The following C7orf78 variants were observed in gnomAD, a reference collection of about 807,000 sequenced individuals.
C7orf78 encodes chromosome 7 open reading frame 78, also known as putative uncharacterized protein C7orf78.
chr7:12,522,310 G>A, the C7orf78 span, among the ~76,000 whole-genome samples: 3 of 152,084 alleles, frequency 2.0e-5, no homozygotes, highest in Admixed American at 2.0e-4. Flanking sequence ...GAATCATCCA[G>A]TAACATATTG....
the C7orf78 span, among the ~76,000 whole-genome samples, chr7:12,497,197 A>G: frequency 6.6e-6 from 1 of 152,206 alleles, no homozygotes. Context: ...AAAAAAATCA[A>G]AATTATTTAT....
the C7orf78 span, among the ~76,000 whole-genome samples, chr7:12,525,511 A>G: frequency 6.6e-6 from 1 of 152,142 alleles, no homozygotes; most frequent in Non-Finnish European, 1.5e-5. Context: ...TAGGTTAACT[A>G]ATCTAAATTT....
At chr7:12,506,500 A>G in the C7orf78 span, among the ~76,000 whole-genome samples, 1 of 152,202 alleles carries the variant, frequency 6.6e-6, no homozygotes, top group African/African-American at 2.4e-5. Context: ...AGGGACATAG[A>G]TGAAGGTGTA....
chr7:12,502,977 G>A, the C7orf78 span, among the ~76,000 whole-genome samples: 245 of 150,192 alleles, frequency 1.6e-3, 1 homozygote, highest in Middle Eastern at 3.4e-3. Flanking sequence ...CTAAACTATC[G>A]CAACAACAAA....
the C7orf78 span, among the ~76,000 whole-genome samples, chr7:12,505,432 A>G: frequency 6.6e-6 from 1 of 152,138 alleles, no homozygotes; most frequent in Non-Finnish European, 1.5e-5. Flanking sequence ...TAAAATGAAG[A>G]TTTGAACTCC....
the C7orf78 span, among the ~76,000 whole-genome samples, chr7:12,505,711 A>T: frequency 6.6e-6 from 1 of 151,508 alleles, no homozygotes. Context: ...TCTCAGTCAT[A>T]TATTTCATAG....
chr7:12,499,200 C>A, the C7orf78 span, among the ~76,000 whole-genome samples: 1 of 152,028 alleles, frequency 6.6e-6, no homozygotes, highest in Non-Finnish European at 1.5e-5. Flanking sequence ...CACCAGCTAA[C>A]ATCATAATGA....
the C7orf78 span, among the ~76,000 whole-genome samples, chr7:12,516,052 A>C: frequency 1.3e-5 from 2 of 152,206 alleles, no homozygotes; most frequent in African/African-American, 4.8e-5. Context: ...GTTAATTCCC[A>C]AGAGAATGGG....
chr7:12,528,641 C>A, the C7orf78 span, among the ~76,000 whole-genome samples: 1 of 152,178 alleles, frequency 6.6e-6, no homozygotes, highest in Admixed American at 6.5e-5. Flanking sequence ...GCAAAATATA[C>A]CATCCCACAG....
chr7:12,493,017 A>T, the C7orf78 span, among the ~76,000 whole-genome samples: 1 of 152,164 alleles, frequency 6.6e-6, no homozygotes, highest in African/African-American at 2.4e-5. Flanking sequence ...AGCCTGGGTC[A>T]CATGGCAAAA....
chr7:12,496,213 CCT>C, the C7orf78 span, among the ~76,000 whole-genome samples: 3 of 152,168 alleles, frequency 2.0e-5, no homozygotes, highest in Admixed American at 2.0e-4. Context: ...GCGTGAGCCA[CCT>C]CGTCTGGCTG....
chr7:12,495,264 AC>A, the C7orf78 span, among the ~76,000 whole-genome samples: 4 of 152,150 alleles, frequency 2.6e-5, no homozygotes, highest in Non-Finnish European at 5.9e-5. Flanking sequence ...ACACTGTGTG[AC>A]ATGTCAGATG....
chr7:12,497,140 G>T, the C7orf78 span, among the ~76,000 whole-genome samples: 1 of 152,176 alleles, frequency 6.6e-6, no homozygotes, highest in South Asian at 2.1e-4. Flanking sequence ...GGAGATTTTG[G>T]ACCAAAGAAG....
At chr7:12,525,021 A>C in the C7orf78 span, among the ~76,000 whole-genome samples, 3 of 152,142 alleles carry the variant, frequency 2.0e-5, no homozygotes, top group Admixed American at 6.6e-5. Context: ...ACCTCAGTGA[A>C]GGCTTTTTGA....
chr7:12,527,028 G>C, the C7orf78 span, among the ~76,000 whole-genome samples: 7 of 125,646 alleles, frequency 5.6e-5, no homozygotes, highest in African/African-American at 2.0e-4. Flanking sequence ...AGCTTTCCTA[G>C]TATATGCTAT....
the C7orf78 span, among the ~76,000 whole-genome samples, chr7:12,524,349 T>G: frequency 6.6e-6 from 1 of 152,278 alleles, no homozygotes; most frequent in East Asian, 1.9e-4. Flanking sequence ...AGGATAAAAT[T>G]TGGAAAATAC....
the C7orf78 span, chr7:12,483,650 A>T: frequency 6.7e-6 from 1 of 150,292 alleles, no homozygotes; most frequent in Non-Finnish European, 1.5e-5. Context: ...CGGGAGGATC[A>T]TGAGGTCAGC....
At chr7:12,521,842 C>T in the C7orf78 span, among the ~76,000 whole-genome samples, 4 of 151,756 alleles carry the variant, frequency 2.6e-5, no homozygotes, top group African/African-American at 9.7e-5. Flanking sequence ...TACTATAACT[C>T]CAATTTTTCT....
the C7orf78 span, chr7:12,496,330 T>G: frequency 3.9e-5 from 6 of 152,224 alleles, no homozygotes; most frequent in Non-Finnish European, 8.8e-5. Context: ...CTACATATAA[T>G]TGAAGTCAGT....
Sources: allele counts gnomAD v4.1 joint callset (sites outside exome capture counted in the v4.1 genomes callset), GRCh38; gene constraint gnomAD v4.1.1; transcripts MANE v1.5; gene names NCBI Gene and HGNC (gene_info 2026-07-23, HGNC 2026-07-21).